Variants in PRKAR1B observed in about 807,000 individuals in gnomAD.
The protein encoded by PRKAR1B is cAMP-dependent protein kinase type I-beta regulatory subunit.
In PRKAR1B, 22 loss-of-function variants were observed where a neutral mutation model predicts 46.5. The observed-to-expected ratio is 0.47, with a 90% CI of 0.34 to 0.68. PRKAR1B has a LOEUF of 0.68. Among genes scored for constraint, PRKAR1B ranks in the 30% least tolerant of loss-of-function variants. PRKAR1B has a pLI of 0.01. For missense variants in PRKAR1B, 445 were observed against 535.6 expected (o/e 0.83, Z 1.67); for synonymous variants, 259 against 217.7 (o/e 1.19, Z -1.67).
chr7:707,455 G>T (rs1780387461), intron 2 of PRKAR1B, among the ~76,000 whole-genome samples: 1 of 152,196 alleles, frequency 6.6e-6, no homozygotes, highest in African/African-American at 2.4e-5. Flanking sequence ...AAGGCTTGCT[G>T]TTGGAGGAAG....
intron 2 of PRKAR1B, among the ~76,000 whole-genome samples, chr7:684,492 G>A (rs1222043914): frequency 1.3e-5 from 2 of 152,196 alleles, no homozygotes; most frequent in Non-Finnish European, 2.9e-5. Context: ...CTGGAAAACA[G>A]ACAATGACCT....
chr7:705,617 G>A (rs1780283717), intron 2 of PRKAR1B, among the ~76,000 whole-genome samples: 2 of 152,132 alleles, frequency 1.3e-5, no homozygotes, highest in South Asian at 4.1e-4. Flanking sequence ...TTTGTAGTTG[G>A]CAAAAACTGG....
chr7:550,649 G>A lies in PRKAR1B; in HGVS notation c.974-47C>T, dbSNP rs779047173. 5 of 1,458,982 alleles carry A rather than the reference G, an allele frequency of 3.4e-6. No homozygotes were observed. The East Asian group carries it at 7.0e-5, about 20-fold the overall frequency. 90.4% of individuals were successfully genotyped at this position (1,458,982 alleles called of 1,614,324 possible). A position where few individuals can be genotyped will look rare whatever the true frequency, so the allele number is the denominator to read the frequency against. On this transcript the variant is annotated intron_variant, in intron 10 of 10. Transcript: ENST00000537384. ...CAGGGCTGGGCCTGGGGGTCCTGAG[G>A]CTGCAGCAGGGAAAGATTATGTCCA...
At chr7:673,601 A>G (rs1013902163) in intron 4 of PRKAR1B, among the ~76,000 whole-genome samples, 2 of 151,046 alleles carry the variant, frequency 1.3e-5, no homozygotes, top group African/African-American at 4.9e-5. Context: ...GTGAGCCGAG[A>G]TCGCCCCACT....
rs1337745093 is a variant in PRKAR1B at position 726,742 on chromosome 7, G to C, written c.-23+468C>G. On this transcript the variant is annotated intron_variant, in intron 1 of 10. Transcript: ENST00000537384. ...CAAGATGGCGGCGCTGGGGGTGGCGGAGGCCGTGGCGGCCCCACACCCGGC... is the reference window on the plus strand; with the variant it reads ...CAAGATGGCGGCGCTGGGGGTGGCGCAGGCCGTGGCGGCCCCACACCCGGC... 7.2e-6 allele frequency: 9 copies of C among 1,244,828 alleles called. No homozygotes were observed. The highest frequency in any genetic ancestry group is 6.2e-5 in the African/African-American group (4 of 64,396). The allele number at this position is 1,244,828 out of a possible 1,614,324, so 77.1% of individuals were successfully genotyped here.
chr7:573,481 C>T (rs1040122858), intron 9 of PRKAR1B, among the ~76,000 whole-genome samples: 5 of 151,930 alleles, frequency 3.3e-5, no homozygotes, highest in South Asian at 2.1e-4. Flanking sequence ...GGGGCTCCTG[C>T]GGAGGGGCAG....
intron 9 of PRKAR1B, among the ~76,000 whole-genome samples, chr7:555,813 G>C (rs925444680): frequency 6.6e-6 from 1 of 152,216 alleles, no homozygotes; most frequent in Non-Finnish European, 1.5e-5. Flanking sequence ...GTCACCCGTG[G>C]TGGTGGCCAG....
chr7:599,647 C>T (rs971667962), intron 6 of PRKAR1B, among the ~76,000 whole-genome samples: 6 of 152,260 alleles, frequency 3.9e-5, no homozygotes, highest in Non-Finnish European at 8.8e-5. Context: ...TTACACCCCA[C>T]CATCACTGCA....
Position 671,789 on chromosome 7 carries a change from A to C in PRKAR1B, c.440+5440T>G, listed in dbSNP as rs550613103. ...GCAGCAGGTTCCTGCTGAAATGAACAAAGCTGTCCTACCATGTGTTCACCA... is the reference window on the plus strand; with the variant it reads ...GCAGCAGGTTCCTGCTGAAATGAACCAAGCTGTCCTACCATGTGTTCACCA... On this transcript the variant is annotated intron_variant, in intron 4 of 10. Transcript: ENST00000537384. 2.1e-3 allele frequency among the ~76,000 whole-genome samples: 317 copies of C among 152,344 alleles called. 3 individuals are homozygous for C. The highest frequency in any genetic ancestry group is 2.6e-3 in the Non-Finnish European group (176 of 68,022).
chr7:726,558 G>C (rs1296479681), intron 1 of PRKAR1B: 1 of 479,594 alleles, frequency 2.1e-6, no homozygotes, highest in Non-Finnish European at 3.2e-6. Context: ...GGCGACAGAG[G>C]GGGACAGCGG....
chr7:588,887 AGTGGTGGTGATGGTGACG>A (rs757023720), intron 7 of PRKAR1B, among the ~76,000 whole-genome samples: 1 of 1,586 alleles, frequency 6.3e-4, no homozygotes, highest in Non-Finnish European at 9.7e-4. Flanking sequence ...GGATAGTGAC[AGTGGTGGTGATGGTGACG>A]GTGGTGATGG....
chr7:702,122 T>C (rs77030663), intron 2 of PRKAR1B, among the ~76,000 whole-genome samples: 6,417 of 152,264 alleles, frequency 0.042, 417 homozygotes, highest in African/African-American at 0.13. Context: ...AATGGGCCTA[T>C]GTGATGGAAA....
intron 6 of PRKAR1B, chr7:603,328 A>T (rs1176940935): frequency 6.6e-6 from 1 of 152,406 alleles, no homozygotes; most frequent in African/African-American, 2.4e-5. Context: ...AGCCGCAGAT[A>T]GATGAGCTGG....
rs545131888 is a variant in PRKAR1B, at chr7:591,400, C to T, written c.708+4746G>A. Among the ~76,000 whole-genome samples the T allele has an allele frequency of 2.0e-3, 312 of 152,320 alleles. 1 individual carries two copies. The highest frequency in any genetic ancestry group is 7.2e-3 in the African/African-American group (301 of 41,564). On this transcript the variant is annotated intron_variant, in intron 7 of 10. Coordinates refer to ENST00000537384, the MANE Select transcript of PRKAR1B (RefSeq NM_001164760.2). ...CAGGTACAGGGCTTCCTCAAGCCCA[C>T]GGCACGGGGAGGGCGGGGGCGCTAG... is the stretch of plus-strand genomic sequence containing the variant.
intron 4 of PRKAR1B, among the ~76,000 whole-genome samples, chr7:622,357 C>A (rs940150765): frequency 2.0e-5 from 3 of 152,218 alleles, no homozygotes; most frequent in African/African-American, 7.2e-5. Context: ...TCACTCCTCC[C>A]GCTCCAACAA....
chr7:701,285 AG>A (rs1780051764), intron 2 of PRKAR1B, among the ~76,000 whole-genome samples: 1 of 137,848 alleles, frequency 7.3e-6, no homozygotes, highest in South Asian at 2.1e-4. Flanking sequence ...AGAAAGAAAG[AG>A]AAAGAAAGAA....
At chr7:698,788 A>T (rs765606595) in intron 2 of PRKAR1B, among the ~76,000 whole-genome samples, 1 of 151,742 alleles carries the variant, frequency 6.6e-6, no homozygotes, top group African/African-American at 2.4e-5. Context: ...GCAACAGTAC[A>T]TCCTTGCCTG....
intron 6 of PRKAR1B, among the ~76,000 whole-genome samples, chr7:599,605 A>G (rs998125654): frequency 6.6e-6 from 1 of 152,242 alleles, no homozygotes; most frequent in Admixed American, 6.5e-5. Context: ...TTTTAAAAGA[A>G]AAAACAATGG....
In PRKAR1B at chr7:576,982, C is replaced by T. The variant is rs1299610668; in HGVS notation, c.891+2274G>A. Among the ~76,000 whole-genome samples, 13 of 151,144 alleles carry T rather than the reference C, an allele frequency of 8.6e-5. No individual in the cohort carries two copies. In the East Asian group the frequency reaches 1.2e-3, roughly 14 times the overall value. On this transcript the variant is annotated intron_variant, in intron 9 of 10. Transcript: ENST00000537384. The stretch of plus-strand genomic sequence containing the variant: ...CAACGCCATCAGCGGCCTCGTCCAA[C>T]GCCATCAGCGGCCTCATCCAACTCC...
Sources: allele counts gnomAD v4.1 joint callset (sites outside exome capture counted in the v4.1 genomes callset), GRCh38; gene constraint gnomAD v4.1.1; transcripts MANE v1.5; gene names NCBI Gene and HGNC (gene_info 2026-07-23, HGNC 2026-07-21).